Variants in VIPAS39 observed in about 807,000 individuals in gnomAD.
VIPAS39 encodes the protein VPS33B interacting protein, apical-basolateral polarity regulator, spe-39 homolog, also known as spermatogenesis-defective protein 39 homolog.
Under a neutral mutation model 84.7 loss-of-function variants are expected in VIPAS39, and 63 were observed. That is an observed-to-expected ratio of 0.74 (90% confidence interval 0.61 to 0.92). The LOEUF is 0.92. Ranked by LOEUF, VIPAS39 falls within the 40% of genes least tolerant of loss-of-function variation. The pLI is 0.00. For synonymous variants in VIPAS39, 192 were observed against 216.5 expected, an observed-to-expected ratio of 0.89 and a Z score of 0.99; for missense variants, 499 against 604.5, an observed-to-expected ratio of 0.83 and a Z score of 1.83.
At chr14:77,437,762 T>C (rs2078636649) in intron 12 of VIPAS39, 46 bp downstream of exon 12, 1 of 1,582,638 alleles carries the variant, frequency 6.3e-7, no homozygotes, top group South Asian at 1.1e-5. Flanking sequence ...TCATTCCTTC[T>C]GGGTAAAGGT....
intron 7 of VIPAS39, among the ~76,000 whole-genome samples, chr14:77,445,195 G>A (rs931088895): frequency 2.6e-5 from 4 of 151,948 alleles, no homozygotes; most frequent in South Asian, 2.1e-4. Flanking sequence ...TCCTGACCCC[G>A]TGATCCACCT....
chr14:77,446,370 C>T (rs1338169625), intron 7 of VIPAS39, among the ~76,000 whole-genome samples: 1 of 152,104 alleles, frequency 6.6e-6, no homozygotes, highest in Non-Finnish European at 1.5e-5. Flanking sequence ...GTGATGCAAT[C>T]ACAGCTCACT....
intron 3 of VIPAS39, 54 bp downstream of exon 3, chr14:77,453,245 A>C: frequency 1.3e-6 from 2 of 1,541,388 alleles, no homozygotes; most frequent in Non-Finnish European, 1.8e-6. Context: ...TAGAGCCTTT[A>C]TCAGTGATAA....
Position 77,429,701 on chromosome 14 carries a change from T to C in VIPAS39, c.1246A>G (p.Lys416Glu). Residue 416 changes from lysine (K) to glutamate (E), a missense_variant, in exon 17 of 20, where the codon AAG becomes GAG. Transcript: ENST00000557658. ...ATTACCTGCACAGGGGCATTGTTCT[T>C]GTGCAAAATTTCGACAACCCGATGG... ...GFHRVVEILH[K>E]NNAPVQILQE... The C allele has an allele frequency of 6.2e-7, 1 of 1,614,190 alleles. No individual in the cohort carries two copies. Among genetic ancestry groups the C allele is most frequent in the Non-Finnish European group, 8.5e-7 (1 of 1,180,010 alleles).
intron 7 of VIPAS39, among the ~76,000 whole-genome samples, chr14:77,447,214 G>A (rs181042514): frequency 1.1e-3 from 163 of 151,984 alleles, no homozygotes; most frequent in Non-Finnish European, 8.2e-4. Flanking sequence ...TAGTAGAGAC[G>A]GGGTTTCTCC....
intron 1 of VIPAS39, among the ~76,000 whole-genome samples, chr14:77,455,826 A>C (rs2139913122): frequency 6.6e-6 from 1 of 152,330 alleles, no homozygotes; most frequent in South Asian, 2.1e-4. Flanking sequence ...GTCCCTTCTC[A>C]CGGCAGACAT....
intron 5 of VIPAS39, 131 bp downstream of exon 5, chr14:77,449,583 C>T: frequency 7.4e-7 from 1 of 1,358,274 alleles, no homozygotes; most frequent in East Asian, 2.3e-5. Flanking sequence ...CAGAAAATTC[C>T]TCTAATAATG....
chr14:77,457,296 C>A, intron 1 of VIPAS39, 199 bp downstream of exon 1: 3 of 1,535,670 alleles, frequency 2.0e-6, no homozygotes, highest in Non-Finnish European at 2.6e-6. Context: ...TGTCCGCTTC[C>A]GAACCAATCG....
chr14:77,453,370 A>G lies in VIPAS39; in HGVS notation c.125T>C (p.Leu42Pro), dbSNP rs1427959634. The G allele has an allele frequency of 6.2e-7, 1 of 1,614,098 alleles. No individual in the cohort carries two copies. Among genetic ancestry groups the G allele is most frequent in the Admixed American group, 1.7e-5 (1 of 60,002 alleles). The part of the protein sequence containing the change: ...LKESKRAVNS[L>P]RDFVDDDDDD... ...GTCATCATCATCCACGAAGTCTCGGAGGCTGTTCACCGCCCGCTTGGACTC... is the reference window on the plus strand; with the variant it reads ...GTCATCATCATCCACGAAGTCTCGGGGGCTGTTCACCGCCCGCTTGGACTC... Residue 42 changes from leucine to proline, a missense_variant, in exon 3 of 20, where the codon CTC becomes CCC. Transcript: ENST00000557658.
chr14:77,434,053 C>A lies in VIPAS39; in HGVS notation c.1090-122G>T, dbSNP rs76052925. The A allele has an allele frequency of 1.0e-3, 1,334 of 1,281,950 alleles. 6 individuals are homozygous for A. In the African/African-American group the frequency reaches 0.013, roughly 13 times the overall value. 79.4% of individuals were successfully genotyped at this position (1,281,950 alleles called of 1,614,324 possible). ...GATATTGACTCTGCCCCTTAAAAAT[C>A]AAAAAATTTCTCAGTTCAAGAACTT... On this transcript the variant is annotated intron_variant, in intron 15 of 19. Coordinates refer to ENST00000557658, the MANE Select transcript of VIPAS39 (RefSeq NM_001193315.2).
rs780650718 is a variant in VIPAS39 at position 77,435,948 on chromosome 14, T to A, written c.837-29A>T. On this transcript the variant is annotated intron_variant, in intron 12 of 19. Coordinates refer to ENST00000557658, the MANE Select transcript of VIPAS39 (RefSeq NM_001193315.2). ...GTAGAGTGCCAGAAGGTTAGTACCTTTCTCTATTCAAACAAGGAAACAAAC... is the reference window on the plus strand; with the variant it reads ...GTAGAGTGCCAGAAGGTTAGTACCTATCTCTATTCAAACAAGGAAACAAAC... The A allele has an allele frequency of 8.1e-6, 13 of 1,612,772 alleles. No homozygotes were observed. In the African/African-American group the frequency reaches 1.7e-4, roughly 22 times the overall value.
At chr14:77,455,471 T>C (rs1206315016) in intron 1 of VIPAS39, among the ~76,000 whole-genome samples, 1 of 152,152 alleles carries the variant, frequency 6.6e-6, no homozygotes, top group Non-Finnish European at 1.5e-5. Flanking sequence ...GGTGACACAG[T>C]GAGACCCTCC....
intron 7 of VIPAS39, among the ~76,000 whole-genome samples, chr14:77,447,459 T>C (rs950059355): frequency 1.2e-4 from 19 of 152,212 alleles, no homozygotes; most frequent in Middle Eastern, 3.4e-3. Flanking sequence ...ATTACAGGCA[T>C]GAGCCACTGT....
intron 11 of VIPAS39, among the ~76,000 whole-genome samples, chr14:77,438,524 C>T (rs1029302406): frequency 6.6e-6 from 1 of 152,222 alleles, no homozygotes; most frequent in African/African-American, 2.4e-5. Context: ...CCACCACGCC[C>T]GGCCCAAATA....
chr14:77,441,068 C>A lies in VIPAS39; in HGVS notation c.760G>T (p.Ala254Ser), dbSNP rs747233166. ...FRFLDRTEEL[A>S]LSHYREHLNI... The stretch of plus-strand genomic sequence containing the variant: ...ACTGAAACAAAGGCCACACTTACCG[C>A]AAGCTCTTCTGTTCTATCTAGGAAC... Residue 254 changes from alanine (A) to serine (S), a missense_variant and splice_region_variant, in exon 11 of 20, where the codon GCG becomes TCG. By Grantham distance (99) the Ala-to-Ser change is moderately conservative. Coordinates refer to ENST00000557658, the MANE Select transcript of VIPAS39 (RefSeq NM_001193315.2). 9 of 1,610,718 alleles carry A rather than the reference C, an allele frequency of 5.6e-6. No homozygotes were observed. The South Asian group carries it at 7.7e-5, about 14-fold the overall frequency.
chr14:77,453,093 G>A (rs1469056557), intron 3 of VIPAS39, among the ~76,000 whole-genome samples: 1 of 152,162 alleles, frequency 6.6e-6, no homozygotes, highest in Non-Finnish European at 1.5e-5. Flanking sequence ...AACCCCTGAA[G>A]AGCAGACCTA....
At chr14:77,446,880 C>T (rs566604845) in intron 7 of VIPAS39, among the ~76,000 whole-genome samples, 21 of 152,098 alleles carry the variant, frequency 1.4e-4, no homozygotes, top group South Asian at 1.2e-3. Context: ...GGCACAATCT[C>T]GGCTCATTGC....
chr14:77,445,239 G>A (rs1320839942), intron 7 of VIPAS39, among the ~76,000 whole-genome samples: 6 of 152,166 alleles, frequency 3.9e-5, no homozygotes, highest in African/African-American at 1.2e-4. Flanking sequence ...GATTACAGGC[G>A]TGAGCCACCA....
At chr14:77,447,478 C>T (rs1201852116) in intron 7 of VIPAS39, among the ~76,000 whole-genome samples, 2 of 151,702 alleles carry the variant, frequency 1.3e-5, no homozygotes, top group Non-Finnish European at 1.5e-5. Flanking sequence ...GTGACTGGCC[C>T]GATTTTCAAC....
Sources: gnomAD v4.1 joint callset for allele counts (sites outside exome capture counted in the v4.1 genomes callset) on GRCh38, gnomAD v4.1.1 for gene constraint, MANE v1.5 for transcripts, NCBI Gene and HGNC (gene_info 2026-07-23, HGNC 2026-07-21) for gene names.